PCDHGA1: variants seen among roughly 807,000 people sequenced by gnomAD.
PCDHGA1 encodes the protein protocadherin gamma subfamily A, 1.
In PCDHGA1, 32 loss-of-function variants were observed where a neutral mutation model predicts 58.0. That is an observed-to-expected ratio of 0.55 (90% CI 0.42 to 0.74). PCDHGA1 has a LOEUF of 0.74. Ranked by LOEUF, PCDHGA1 falls within the 30% of genes least tolerant of loss-of-function variation. The pLI, the probability that PCDHGA1 is intolerant of heterozygous loss-of-function variation, is 0.00. For missense variants in PCDHGA1, 1,205 were observed against 1,182.3 expected (o/e 1.02, Z -0.28); for synonymous variants, 498 against 501.1 (o/e 0.99, Z 0.08).
intron 1 of PCDHGA1, chr5:141,375,556 G>A (rs750283278): frequency 2.9e-5 from 47 of 1,614,044 alleles, no homozygotes; most frequent in Non-Finnish European, 4.0e-5. Context: ...CCTACTCACT[G>A]GCAGAAGACA....
Position 141,511,376 on chromosome 5 carries a change from G to C in PCDHGA1, c.*203G>C. ...CCAGGGGGTTGAATATGCAAAAGCA[G>C]TTCCGCTGGGAACCCCCATCCAATC... On this transcript the variant is annotated 3_prime_UTR_variant, in exon 4 of 4. Coordinates refer to ENST00000517417, the MANE Select transcript of PCDHGA1 (RefSeq NM_018912.3). 1 of 1,211,520 alleles carries C rather than the reference G, an allele frequency of 8.3e-7. No homozygotes were observed. The allele number at this position is 1,211,520 out of a possible 1,614,324, so 75.0% of individuals were successfully genotyped here.
intron 1 of PCDHGA1, chr5:141,404,901 G>A: frequency 6.2e-7 from 1 of 1,613,848 alleles, no homozygotes; most frequent in African/African-American, 1.3e-5. Flanking sequence ...CAGGACCATG[G>A]CCAGCCCCCT....
chr5:141,408,302 C>T (rs1017556555), intron 1 of PCDHGA1: 1 of 1,613,780 alleles, frequency 6.2e-7, no homozygotes, highest in Non-Finnish European at 8.5e-7. Context: ...TGAGCCGATC[C>T]GCTACTCGAT....
chr5:141,361,472 A>G (rs1480148367), intron 1 of PCDHGA1: 2 of 1,613,906 alleles, frequency 1.2e-6, no homozygotes, highest in Admixed American at 1.7e-5. Context: ...TCCGACGTCA[A>G]CGATAATGCC....
intron 1 of PCDHGA1, among the ~76,000 whole-genome samples, chr5:141,401,496 C>T (rs909382274): frequency 6.6e-6 from 1 of 152,190 alleles, no homozygotes; most frequent in African/African-American, 2.4e-5. Context: ...GATGCAAAAT[C>T]CTTTTCCACC....
At chr5:141,475,997 G>A in intron 1 of PCDHGA1, 2 of 1,184,406 alleles carry the variant, frequency 1.7e-6, no homozygotes, top group East Asian at 2.4e-5. Flanking sequence ...CAAATCAACG[G>A]CATCCAGAAA....
chr5:141,339,703 G>T, intron 1 of PCDHGA1: 1 of 1,614,158 alleles, frequency 6.2e-7, no homozygotes, highest in Non-Finnish European at 8.5e-7. Flanking sequence ...TTTTTACACA[G>T]CCCGAGTACC....
chr5:141,370,167 G>A, intron 1 of PCDHGA1: 3 of 459,112 alleles, frequency 6.5e-6, no homozygotes, highest in Non-Finnish European at 1.1e-5. Context: ...TGCAGCAGAG[G>A]CGCCGGGTGC....
At chr5:141,450,815 A>ATAT (rs1420984335) in intron 1 of PCDHGA1, among the ~76,000 whole-genome samples, 2,245 of 126,710 alleles carry the variant, frequency 0.018, 73 homozygotes, top group African/African-American at 0.063. Flanking sequence ...TATTTATTTA[A>ATAT]TATTATTATT....
chr5:141,376,002 A>G, intron 1 of PCDHGA1: 6 of 1,613,478 alleles, frequency 3.7e-6, no homozygotes, highest in Non-Finnish European at 5.1e-6. Flanking sequence ...GCGCTCAAGC[A>G]GAGCCTAGTG....
At chr5:141,338,318 A>G (rs1756740337) in intron 1 of PCDHGA1, among the ~76,000 whole-genome samples, 1 of 152,270 alleles carries the variant, frequency 6.6e-6, no homozygotes, top group Admixed American at 6.5e-5. Flanking sequence ...TGATTCAATA[A>G]TTTAAAGGCA....
intron 1 of PCDHGA1, chr5:141,412,667 AC>A (rs1385712050): frequency 6.6e-6 from 1 of 152,284 alleles, no homozygotes; most frequent in Non-Finnish European, 1.5e-5. Flanking sequence ...CACTAATATG[AC>A]CTAAAATAAG....
intron 1 of PCDHGA1, chr5:141,426,793 A>G: frequency 2.2e-6 from 1 of 456,734 alleles, no homozygotes; most frequent in South Asian, 1.5e-5. Context: ...CAGAGTTACC[A>G]GCTCAGTTCT....
intron 1 of PCDHGA1, chr5:141,351,578 G>A (rs758216831): frequency 1.3e-4 from 213 of 1,613,878 alleles, no homozygotes; most frequent in Non-Finnish European, 1.8e-4. Context: ...GCACATCTCC[G>A]ACATCAACGA....
At chr5:141,492,576 G>A (rs2099742137) in intron 1 of PCDHGA1, among the ~76,000 whole-genome samples, 1 of 152,234 alleles carries the variant, frequency 6.6e-6, no homozygotes, top group Admixed American at 6.5e-5. Context: ...AGCGAGGCGC[G>A]GGGCCAGGAG....
chr5:141,344,227 G>T (rs1757387656), intron 1 of PCDHGA1: 1 of 1,614,052 alleles, frequency 6.2e-7, no homozygotes, highest in South Asian at 1.1e-5. Context: ...CGCGGAGTCC[G>T]CATCGTCTCC....
rs1298454674 is a variant in PCDHGA1, at chr5:141,438,625, TATATATATATAC to T, written c.2422-56180_2422-56169del. 7.7e-3 allele frequency among the ~76,000 whole-genome samples: 357 copies of T among 46,390 alleles called. 5 individuals are homozygous for T. The East Asian group carries it at 0.082, about 11-fold the overall frequency. 30.4% of individuals were successfully genotyped at this position (46,390 alleles called of 152,430 possible). A position where few individuals can be genotyped will look rare whatever the true frequency, so the allele number is the denominator to read the frequency against. On this transcript the variant is annotated intron_variant, in intron 1 of 3. Transcript: ENST00000517417. ...ATATATATATATATATATATATATATATATATATATACACACACACACACACATATATGTATA... is the reference window on the plus strand; with the variant it reads ...ATATATATATATATATATATATATATACACACACACACACATATATGTATA...
chr5:141,430,235 G>T (rs1020445956), intron 1 of PCDHGA1, among the ~76,000 whole-genome samples: 3 of 128,670 alleles, frequency 2.3e-5, no homozygotes, highest in Non-Finnish European at 4.7e-5. Context: ...GTCAAAAAGA[G>T]AAACTCCTAG....
intron 1 of PCDHGA1, chr5:141,421,126 T>G: frequency 1.2e-6 from 1 of 805,588 alleles, no homozygotes; most frequent in Non-Finnish European, 1.9e-6. Context: ...CTTCGCTTTC[T>G]GATATATTTT....
Sources: allele counts gnomAD v4.1 joint callset (sites outside exome capture counted in the v4.1 genomes callset), GRCh38; gene constraint gnomAD v4.1.1; transcripts MANE v1.5; gene names NCBI Gene and HGNC (gene_info 2026-07-23, HGNC 2026-07-21).